Variants in CEACAM21 observed in about 807,000 individuals in gnomAD.
CEACAM21 encodes the protein CEA cell adhesion molecule 21.
CEACAM21 carries 38 observed loss-of-function variants against 33.2 expected under a neutral mutation model. That is an observed-to-expected ratio of 1.14 (90% confidence interval 0.88 to 1.50). CEACAM21 has a LOEUF of 1.50. CEACAM21 is among the 40% of genes most tolerant of loss of function. The pLI is 0.00. For missense variants in CEACAM21, 385 were observed against 364.6 expected, an observed-to-expected ratio of 1.06 and a Z score of -0.46; for synonymous variants, 156 against 143.0, an observed-to-expected ratio of 1.09 and a Z score of -0.65.
Position 41,584,400 on chromosome 19 carries a change from G to C in CEACAM21, c.754G>C (p.Val252Leu). The C allele has an allele frequency of 6.2e-7, 1 of 1,611,100 alleles. No homozygotes were observed. Among genetic ancestry groups the C allele is most frequent in the Non-Finnish European group, 8.5e-7 (1 of 1,178,548 alleles). Residue 252 changes from valine (V) to leucine (L), a missense_variant, in exon 4 of 7, where the codon GTG (valine) becomes CTG (leucine). Val to Leu is a conservative substitution (Grantham distance 32). Coordinates refer to ENST00000401445, the MANE Select transcript of CEACAM21 (RefSeq NM_001098506.4). ...CGGGGTCCTGGTTGGGAGTCTTCTG[G>C]TGGCTGCACTTGTGTGTTTCCTGCT... is the stretch of plus-strand genomic sequence containing the variant. ...LIGVLVGSLL[V>L]AALVCFLLLR... is the part of the protein sequence containing the mutation.
upstream of CEACAM21, among the ~76,000 whole-genome samples, chr19:41,573,047 C>T (rs2042712577): frequency 6.6e-6 from 1 of 152,172 alleles, no homozygotes. Context: ...AAGCTTGAGG[C>T]CTCAGGCAAT....
intron 3 of CEACAM21, among the ~76,000 whole-genome samples, chr19:41,583,642 A>C (rs1193652943): frequency 7.2e-5 from 11 of 152,220 alleles, no homozygotes; most frequent in African/African-American, 2.7e-4. Context: ...GCAAGAGGAC[A>C]TGTGTAGGGA....
chr19:41,577,084 C>A, intron 1 of CEACAM21, 116 bp from the exon 2 acceptor site: 1 of 997,820 alleles, frequency 1.0e-6, no homozygotes, highest in Non-Finnish European at 1.5e-6. Context: ...CAGTAGGACA[C>A]ACACACACAC....
chr19:41,571,919 C>T (rs1482691360), upstream of CEACAM21, among the ~76,000 whole-genome samples: 1 of 151,194 alleles, frequency 6.6e-6, no homozygotes, highest in Non-Finnish European at 1.5e-5. Flanking sequence ...TGGATTTGAT[C>T]TTTAAGTTAC....
At chr19:41,575,983 T>C (rs1365833349), upstream of CEACAM21, among the ~76,000 whole-genome samples, 1 of 152,116 alleles carries the variant, frequency 6.6e-6, no homozygotes, top group East Asian at 1.9e-4. Context: ...CGTCCTGTTA[T>C]GAGGACCCCA....
At chr19:41,552,144 G>C (rs1337729186) in intron 1 of CEACAM21, 5 of 152,056 alleles carry the variant, frequency 3.3e-5, no homozygotes, top group African/African-American at 9.7e-5. Context: ...AGATATAAGT[G>C]ATTAACTTCT....
At chr19:41,569,301 C>G (rs1444698593) in intron 2 of CEACAM21, among the ~76,000 whole-genome samples, 1 of 152,038 alleles carries the variant, frequency 6.6e-6, no homozygotes, top group African/African-American at 2.4e-5. Flanking sequence ...GCCAACTCAG[C>G]CTCCCCAGCT....
chr19:41,562,927 A>C (rs776887368), intron 1 of CEACAM21, among the ~76,000 whole-genome samples: 1 of 152,040 alleles, frequency 6.6e-6, no homozygotes, highest in Non-Finnish European at 1.5e-5. Context: ...ATGGGGTTTC[A>C]CTGTGTTAGC....
At chr19:41,565,132 C>A in intron 2 of CEACAM21, 1 of 152,696 alleles carries the variant, frequency 6.5e-6, no homozygotes, top group Non-Finnish European at 1.5e-5. Flanking sequence ...GTGGCTGGGA[C>A]GATTCACTAG....
rs566578828 is a variant in CEACAM21 at position 41,553,883 on chromosome 19, TA to T, written c.-779+4332del. ...CCTGTTACCAAAGAAAACACATTCT[TA>T]TTGCACTTATGCAAATAACTATATT... is the stretch of plus-strand genomic sequence containing the variant. On this transcript the variant is annotated intron_variant, in intron 1 of 7. Transcript: ENST00000407170. 639 of 152,254 alleles carry T rather than the reference TA, an allele frequency of 4.2e-3. 7 individuals are homozygous for T. Among genetic ancestry groups the T allele is most frequent in the African/African-American group, 0.015 (610 of 41,548 alleles). 9.4% of individuals were successfully genotyped at this position (152,254 alleles called of 1,614,324 possible). A position where few individuals can be genotyped will look rare whatever the true frequency, so the allele number is the denominator to read the frequency against.
At position 41,562,680 on chromosome 19, in the gene CEACAM21, A is replaced by C. The variant is rs1052926047; in HGVS notation, c.-778-2002A>C. Among the ~76,000 whole-genome samples the C allele has an allele frequency of 9.2e-5, 14 of 152,262 alleles. 1 individual carries two copies. In the South Asian group the frequency reaches 2.9e-3, roughly 32 times the overall value. On this transcript the variant is annotated intron_variant, in intron 1 of 7. Coordinates refer to the CEACAM21 transcript ENST00000407170. ...ATCTACAGGAGTGAAATTTGAGAAC[A>C]TAATTTTGACCGAAAAAAAAAGCAA...
At chr19:41,571,485 A>G (rs782817102), upstream of CEACAM21, among the ~76,000 whole-genome samples, 3 of 152,184 alleles carry the variant, frequency 2.0e-5, no homozygotes, top group Non-Finnish European at 2.9e-5. Flanking sequence ...CATTGAAAGA[A>G]GAAAATGCAT....
chr19:41,577,243 C>T lies in CEACAM21; in HGVS notation c.108C>T (p.Leu36=). 1.2e-6 allele frequency: 2 copies of T among 1,614,134 alleles called. No homozygotes were observed. Among genetic ancestry groups the T allele is most frequent in the Non-Finnish European group, 1.7e-6 (2 of 1,180,016 alleles). ...TFWNAPTTAW[L]FIASAPFEVA... ...GGAACGCACCCACCACTGCCTGGCT[C>T]TTTATTGCATCAGCGCCCTTTGAAG... The change falls in exon 2 of 7, where the codon CTC becomes CTT. Residue 36 remains leucine (L), a synonymous_variant. Coordinates refer to ENST00000401445, the MANE Select transcript of CEACAM21 (RefSeq NM_001098506.4).
chr19:41,579,684 G>GT, intron 3 of CEACAM21, 56 bp downstream of exon 3: 1 of 1,216,146 alleles, frequency 8.2e-7, no homozygotes, highest in Non-Finnish European at 1.1e-6. Context: ...CTAGGAGGGA[G>GT]GGGGGGTGTA....
chr19:41,583,005 C>T (rs894045370), intron 3 of CEACAM21, among the ~76,000 whole-genome samples: 4 of 152,226 alleles, frequency 2.6e-5, no homozygotes, highest in African/African-American at 4.8e-5. Context: ...TTATGCTCTG[C>T]TTCCCTTTTA....
At chr19:41,554,511 A>G (rs782687337) in intron 1 of CEACAM21, among the ~76,000 whole-genome samples, 6 of 152,038 alleles carry the variant, frequency 3.9e-5, no homozygotes, top group Non-Finnish European at 7.4e-5. Context: ...CATCAATAAC[A>G]TATTTATAGA....
At chr19:41,549,984 T>C (rs1555783839) in intron 1 of CEACAM21, among the ~76,000 whole-genome samples, 1 of 152,190 alleles carries the variant, frequency 6.6e-6, no homozygotes, top group East Asian at 1.9e-4. Flanking sequence ...TGATACACCC[T>C]CTCATAGGGA....
intron 1 of CEACAM21, chr19:41,554,922 T>G (rs939483731): frequency 2.0e-5 from 3 of 152,088 alleles, no homozygotes; most frequent in African/African-American, 7.2e-5. Flanking sequence ...TTATCCAACT[T>G]AAAGCAATTC....
chr19:41,558,660 AC>A (rs1179502399), intron 1 of CEACAM21, among the ~76,000 whole-genome samples: 8 of 152,022 alleles, frequency 5.3e-5, no homozygotes, highest in Non-Finnish European at 8.8e-5. Flanking sequence ...AACAACAACA[AC>A]AAAAAAAAAC....
Sources: gnomAD v4.1 joint callset for allele counts (sites outside exome capture counted in the v4.1 genomes callset) on GRCh38, gnomAD v4.1.1 for gene constraint, MANE v1.5 for transcripts, NCBI Gene and HGNC (gene_info 2026-07-23, HGNC 2026-07-21) for gene names.